Variants in ENOX2 observed in about 807,000 individuals in gnomAD.
ENOX2 encodes the protein APK1 antigen.
In ENOX2, 36 loss-of-function variants were observed where a neutral mutation model predicts 45.0. That is an observed-to-expected ratio of 0.80 (90% confidence interval 0.61 to 1.06). The LOEUF is 1.06. Among genes scored for constraint, ENOX2 ranks in the 50% least tolerant of loss-of-function variants. The pLI, the probability that ENOX2 is intolerant of heterozygous loss-of-function variation, is 0.00. For synonymous variants in ENOX2, 174 were observed against 152.3 expected (o/e 1.14, Z -1.05); for missense variants, 423 against 462.5 (o/e 0.91, Z 0.78).
At chrX:130,754,312 G>A (rs757478363) in intron 3 of ENOX2, among the ~76,000 whole-genome samples, 2 of 112,117 alleles carry the variant, frequency 1.8e-5, no homozygotes, top group African/African-American at 3.2e-5. Context: ...TTTGGCTTGC[G>A]AAAAATGCAT....
rs183562895 is a variant in ENOX2, at chrX:130,726,921, A to C, written c.-38-23667T>G. 1.6e-3 allele frequency among the ~76,000 whole-genome samples: 182 copies of C among 112,455 alleles called. 1 individual carries two copies. Among genetic ancestry groups the C allele is most frequent in the African/African-American group, 5.5e-3 (169 of 30,986 alleles). The stretch of plus-strand genomic sequence containing the variant: ...TTTCTCAAGAGGGCCCCTGGGCTGA[A>C]GAGGGCCTGGCTCGTGGTCTAGGTT... On this transcript the variant is annotated intron_variant, in intron 3 of 14. Transcript: ENST00000394363.
intron 3 of ENOX2, among the ~76,000 whole-genome samples, chrX:130,743,352 T>G (rs1173922045): frequency 8.9e-6 from 1 of 111,958 alleles, no homozygotes; most frequent in East Asian, 2.8e-4. Flanking sequence ...TGAGAAGTAA[T>G]AGACACATTG....
chrX:130,878,236 T>C (rs2078744122), intron 2 of ENOX2, among the ~76,000 whole-genome samples: 1 of 111,848 alleles, frequency 8.9e-6, no homozygotes, highest in Non-Finnish European at 1.9e-5. Context: ...TTCTGGAGAG[T>C]TTGCTTCGGG....
intron 10 of ENOX2, chrX:130,646,033 G>C (rs2036225191): frequency 1.8e-6 from 1 of 568,414 alleles, no homozygotes; most frequent in African/African-American, 2.2e-5. Context: ...AATGGCTGCT[G>C]TAACGTCAAC....
intron 2 of ENOX2, among the ~76,000 whole-genome samples, chrX:130,805,967 A>G (rs1256732810): frequency 2.7e-5 from 3 of 112,102 alleles, no homozygotes; most frequent in Non-Finnish European, 5.6e-5. Context: ...AATTTGCTGT[A>G]CCTCAACTGC....
intron 10 of ENOX2, among the ~76,000 whole-genome samples, chrX:130,640,346 G>A (rs2036045962): frequency 8.9e-6 from 1 of 112,571 alleles, no homozygotes; most frequent in Non-Finnish European, 1.9e-5. Context: ...TTCAACAACT[G>A]TGGAAGACAG....
rs759667867 is a variant in ENOX2, at chrX:130,657,530, A to AT, written c.1015-836dup. 2.7e-5 allele frequency among the ~76,000 whole-genome samples: 3 copies of AT among 112,029 alleles called. No individual in the cohort carries two copies. In the East Asian group the frequency reaches 8.4e-4, roughly 31 times the overall value. Reference sequence around the variant, plus strand: ...TAGAGGCAGGGGGAAAGAACTTTAAATTCTGTATATAAGATCTGCTCAAAT... The same window carrying AT: ...TAGAGGCAGGGGGAAAGAACTTTAAATTTCTGTATATAAGATCTGCTCAAAT... On this transcript the variant is annotated intron_variant, in intron 9 of 14. Transcript: ENST00000394363.
At chrX:130,823,957 T>C (rs1036701161) in intron 2 of ENOX2, among the ~76,000 whole-genome samples, 1 of 112,162 alleles carries the variant, frequency 8.9e-6, no homozygotes, top group African/African-American at 3.2e-5. Context: ...TTAATGAACA[T>C]TTGAAATCAT....
At chrX:130,797,337 T>G (rs898935053) in intron 2 of ENOX2, among the ~76,000 whole-genome samples, 3 of 111,821 alleles carry the variant, frequency 2.7e-5, no homozygotes, top group African/African-American at 9.7e-5. Context: ...AAACACTCTC[T>G]CAATCCAATT....
chrX:130,845,611 A>T (rs1270570566), intron 2 of ENOX2, among the ~76,000 whole-genome samples: 1 of 111,910 alleles, frequency 8.9e-6, no homozygotes, highest in Non-Finnish European at 1.9e-5. Context: ...GATTACAGGC[A>T]TGTGCCACCA....
intron 10 of ENOX2, among the ~76,000 whole-genome samples, chrX:130,653,983 C>G (rs1395627656): frequency 8.9e-6 from 1 of 112,009 alleles, no homozygotes; most frequent in African/African-American, 3.2e-5. Flanking sequence ...CCTATTGGAT[C>G]AGATTCTGCA....
intron 11 of ENOX2, among the ~76,000 whole-genome samples, chrX:130,636,956 T>C (rs1046707619): frequency 8.9e-6 from 1 of 112,241 alleles, no homozygotes; most frequent in Non-Finnish European, 1.9e-5. Context: ...TTCTGAAGCA[T>C]AAAGAAAAGA....
intron 2 of ENOX2, among the ~76,000 whole-genome samples, chrX:130,841,633 G>C (rs964080943): frequency 8.9e-6 from 1 of 112,003 alleles, no homozygotes; most frequent in African/African-American, 3.2e-5. Context: ...TAAGAAAAGA[G>C]GACTAAAGTT....
intron 10 of ENOX2, among the ~76,000 whole-genome samples, chrX:130,655,555 C>T (rs1365895181): frequency 8.9e-6 from 1 of 112,209 alleles, no homozygotes; most frequent in Non-Finnish European, 1.9e-5. Context: ...TATCTCCAAT[C>T]TCTAGTATAG....
chrX:130,822,348 A>T (rs2077632860), intron 2 of ENOX2, among the ~76,000 whole-genome samples: 1 of 112,229 alleles, frequency 8.9e-6, no homozygotes, highest in Non-Finnish European at 1.9e-5. Context: ...TTGAATTTTG[A>T]TATTTTCCGA....
rs2035457814 is a variant in ENOX2 at position 130,622,754 on chromosome X, A to G, written c.*2560T>C. Among the ~76,000 whole-genome samples the G allele has an allele frequency of 8.9e-6, 1 of 112,002 alleles. No individual in the cohort carries two copies. The highest frequency in any genetic ancestry group is 1.9e-5 in the Non-Finnish European group (1 of 53,250). ...TTTGTGAGAGATGGTATGTGCCACA[A>G]TTTGATTGTGTAATATAATGTATAT... On this transcript the variant is annotated 3_prime_UTR_variant, in exon 15 of 15. Transcript: ENST00000394363.
intron 3 of ENOX2, among the ~76,000 whole-genome samples, chrX:130,708,654 C>A (rs984933857): frequency 2.7e-5 from 3 of 112,289 alleles, no homozygotes; most frequent in Non-Finnish European, 5.6e-5. Flanking sequence ...AGTGCCTAGA[C>A]ACAGTGTCTG....
chrX:130,695,791 C>T (rs1353830726), intron 4 of ENOX2, among the ~76,000 whole-genome samples: 1 of 111,707 alleles, frequency 9.0e-6, no homozygotes, highest in African/African-American at 3.3e-5. Context: ...TAACCCATTA[C>T]AGTCCTGCCT....
chrX:130,671,508 T>C (rs2036990564), intron 6 of ENOX2, among the ~76,000 whole-genome samples: 1 of 111,031 alleles, frequency 9.0e-6, no homozygotes, highest in Non-Finnish European at 1.9e-5. Flanking sequence ...GGAAATAGAG[T>C]TCATAAGGCA....
Sources: allele counts gnomAD v4.1 joint callset (sites outside exome capture counted in the v4.1 genomes callset), GRCh38; gene constraint gnomAD v4.1.1; transcripts MANE v1.5; gene names NCBI Gene and HGNC (gene_info 2026-07-23, HGNC 2026-07-21).